Variants in WDR91 observed in about 807,000 individuals in gnomAD.
WDR91 encodes the protein WD repeat-containing protein 91.
A neutral mutation model predicts 88.4 loss-of-function variants in WDR91; 52 were observed. The observed-to-expected ratio is 0.59, with a 90% CI of 0.47 to 0.74. The LOEUF is 0.74. Ranked by LOEUF, WDR91 falls within the 30% of genes least tolerant of loss-of-function variation. The probability of loss-of-function intolerance (pLI) is 0.00; values close to 1 mark genes in which losing one functional copy is unlikely to be tolerated. For synonymous variants in WDR91, 362 were observed against 389.5 expected (o/e 0.93, Z 0.83); for missense variants, 824 against 954.5 (o/e 0.86, Z 1.80).
At chr7:135,188,586 C>A in intron 12 of WDR91, 41 bp from the exon 13 acceptor site, 1 of 1,562,412 alleles carries the variant, frequency 6.4e-7, no homozygotes. Flanking sequence ...CTGGCCAGGG[C>A]TCTGCAGAAG....
At chr7:135,210,937 G>A (rs563457849) in intron 1 of WDR91, 26 of 703,392 alleles carry the variant, frequency 3.7e-5, no homozygotes, top group South Asian at 3.1e-4. Context: ...AGTCCCTGAC[G>A]AGGCCATTTT....
chr7:135,204,613 C>T (rs1831694263), intron 5 of WDR91, 180 bp from the exon 6 acceptor site: 2 of 628,990 alleles, frequency 3.2e-6, no homozygotes, highest in Non-Finnish European at 5.4e-6. Flanking sequence ...GAGCCAGCAG[C>T]TTATCTGTTA....
rs773372922 is a variant in WDR91, at chr7:135,208,801, A to C, written c.501T>G (p.Phe167Leu). The C allele has an allele frequency of 1.2e-6, 2 of 1,608,058 alleles. No homozygotes were observed. The highest frequency in any genetic ancestry group is 1.7e-6 in the Non-Finnish European group (2 of 1,176,350). ...VSLHNFLSVLFQCMPVPVILN... is the reference protein window; with the variant it reads ...VSLHNFLSVLLQCMPVPVILN... ...CAACTGAAAGGATATGCATGCACTG[A>C]AACAGGACGCTCAGGAAGTTGTGCA... Residue 167 changes from phenylalanine to leucine, a missense_variant, in exon 3 of 15, where the codon TTT (phenylalanine) becomes TTG (leucine). Phe to Leu is a conservative substitution (Grantham distance 22). Coordinates refer to ENST00000354475, the MANE Select transcript of WDR91 (RefSeq NM_014149.4).
In WDR91 at chr7:135,185,958, T is replaced by C; in HGVS notation, c.*193A>G. ...CCACAATACCAGTCTCTGGGAAGCA[T>C]ATGTCACCTACTCCACGTGGGTCCC... is the stretch of plus-strand genomic sequence containing the variant. On this transcript the variant is annotated 3_prime_UTR_variant, in exon 15 of 15. Transcript: ENST00000354475. The C allele has an allele frequency of 1.8e-6, 1 of 569,018 alleles. No homozygotes were observed. The highest frequency in any genetic ancestry group is 2.9e-6 in the Non-Finnish European group (1 of 340,550). The allele number at this position is 569,018 out of a possible 1,614,324, so 35.2% of individuals were successfully genotyped here.
rs1397820680 is a variant in WDR91 at position 135,194,916 on chromosome 7, C to T, written c.1395+18G>A. 6.2e-7 allele frequency: 1 copy of T among 1,613,204 alleles called. No individual in the cohort carries two copies. On this transcript the variant is annotated intron_variant, in intron 9 of 14. Coordinates refer to ENST00000354475, the MANE Select transcript of WDR91 (RefSeq NM_014149.4). ...CACTGAGCCAGCAAAGCGGGCCCCACAGGCCACCATTACTCACCAGTCTGT... is the reference window on the plus strand; with the variant it reads ...CACTGAGCCAGCAAAGCGGGCCCCATAGGCCACCATTACTCACCAGTCTGT...
At position 135,193,331 on chromosome 7, in the gene WDR91, G is replaced by A. The variant is rs764663063; in HGVS notation, c.1559C>T (p.Thr520Ile). 1.9e-6 allele frequency: 3 copies of A among 1,614,236 alleles called. No homozygotes were observed. Among genetic ancestry groups the A allele is most frequent in the Non-Finnish European group, 2.5e-6 (3 of 1,180,048 alleles). Residue 520 changes from threonine to isoleucine, a missense_variant, in exon 11 of 15, where the codon ACT (threonine) becomes ATT (isoleucine). By Grantham distance (89) the Thr-to-Ile change is moderately conservative. Coordinates refer to ENST00000354475, the MANE Select transcript of WDR91 (RefSeq NM_014149.4). Reference sequence around the variant, plus strand: ...TGGTGCTGAGAAGTCCACCTGGGAAGTGAGGCTCGGAGCTGCTGCCGAACA... The same window carrying A: ...TGGTGCTGAGAAGTCCACCTGGGAAATGAGGCTCGGAGCTGCTGCCGAACA... The part of the protein sequence containing the change: ...FVCSAAAPSL[T>I]SQVDFSAPDI...
chr7:135,194,551 T>C (rs567157780), intron 9 of WDR91, among the ~76,000 whole-genome samples: 22 of 152,134 alleles, frequency 1.4e-4, no homozygotes, highest in African/African-American at 5.3e-4. Flanking sequence ...AACCACAAAA[T>C]AGAACACCAG....
chr7:135,197,738 A>G (rs1226709676), intron 7 of WDR91: 2 of 389,542 alleles, frequency 5.1e-6, no homozygotes, highest in African/African-American at 4.1e-5. Flanking sequence ...CACAGAAGTC[A>G]TCTTCTGAGA....
intron 6 of WDR91, 51 bp downstream of exon 6, chr7:135,204,217 A>T: frequency 1.9e-6 from 3 of 1,596,928 alleles, no homozygotes; most frequent in Non-Finnish European, 2.6e-6. Context: ...AAGCACAGGG[A>T]GCTGTCACGG....
chr7:135,190,226 A>G (rs73156113), intron 11 of WDR91, among the ~76,000 whole-genome samples: 18,595 of 152,180 alleles, frequency 0.12, 1,603 homozygotes, highest in South Asian at 0.27. Context: ...GCCCAAGGTC[A>G]GGCGATAAGA....
rs1294100347 is a variant in WDR91 at position 135,198,047 on chromosome 7, G to A, written c.996C>T (p.Arg332=). 6.2e-7 allele frequency: 1 copy of A among 1,614,052 alleles called. No homozygotes were observed. Among genetic ancestry groups the A allele is most frequent in the African/African-American group, 1.3e-5 (1 of 74,920 alleles). The change falls in exon 7 of 15, where the codon CGC becomes CGT. Residue 332 remains arginine, a synonymous_variant. Coordinates refer to ENST00000354475, the MANE Select transcript of WDR91 (RefSeq NM_014149.4). Reference sequence around the variant, plus strand: ...TCCTCTCCTTGCCATGGTCCTGCAGGCGCCGCTGCCGGTGCTGTGACCAAC... The same window carrying A: ...TCCTCTCCTTGCCATGGTCCTGCAGACGCCGCTGCCGGTGCTGTGACCAAC... ...ESGWSQHRQR[R]LQDHGKERKE...
rs778804495 is a variant in WDR91 at position 135,196,255 on chromosome 7, G to C, written c.1133C>G (p.Thr378Ser). ...CTCAGGGCCTGCCGAGGATGCCCGA[G>C]TCAGTGGCTCCACTGGCTCCGTGTG... ...ELHTEPVEPL[T>S]RASSAGPEGG... Residue 378 changes from threonine (T) to serine (S), a missense_variant, in exon 8 of 15, where the codon ACT (threonine) becomes AGT (serine). Physicochemically the swap from Thr to Ser is moderately conservative, Grantham distance 58. Transcript: ENST00000354475. This position sits in a 1 kb window ranked among gnomAD's most constrained non-coding sequence, Gnocchi z 4.2. 6.8e-6 allele frequency: 11 copies of C among 1,612,012 alleles called. No individual in the cohort carries two copies. The highest frequency in any genetic ancestry group is 9.3e-6 in the Non-Finnish European group (11 of 1,179,032).
chr7:135,201,636 T>C (rs1399776850), intron 6 of WDR91: 1 of 152,208 alleles, frequency 6.6e-6, no homozygotes, highest in African/African-American at 2.4e-5. Flanking sequence ...AACAACAAAA[T>C]ACAGCCTATT....
rs779546686 is a variant in WDR91, at chr7:135,193,656, C to T, written c.1412G>A (p.Gly471Asp). ...GTCATAGAGACGCACTGTTCCCACA[C>T]CACTGCCCAGCAAGAGCTGGAATGA... ...KRDRLLLLGS[G>D]VGTVRLYDTE... The change falls in exon 10 of 15, where the codon GGT becomes GAT. Residue 471 changes from glycine (G) to aspartate (D), a missense_variant. Gly to Asp is a moderately conservative substitution (Grantham distance 94). Transcript: ENST00000354475. 2 of 1,614,084 alleles carry T rather than the reference C, an allele frequency of 1.2e-6. No homozygotes were observed. The highest frequency in any genetic ancestry group is 2.2e-5 in the East Asian group (1 of 44,878).
At chr7:135,202,004 G>T (rs1487875975) in intron 6 of WDR91, 1 of 152,136 alleles carries the variant, frequency 6.6e-6, no homozygotes, top group Non-Finnish European at 1.5e-5. Flanking sequence ...TGGAGGGAGG[G>T]TGAACAAGAG....
chr7:135,187,154 T>A lies in WDR91; in HGVS notation c.1897A>T (p.Ile633Phe), dbSNP rs1167914842. ...GATACCTTGAGGCCACTCTTGTGGA[T>A]GTTCCACTGGATGAACTGCAGTCAC... is the stretch of plus-strand genomic sequence containing the variant. ...GEDGKFIQWN[I>F]HKSGLKVSEY... The change falls in exon 14 of 15, where the codon ATC (isoleucine) becomes TTC (phenylalanine). Residue 633 changes from isoleucine to phenylalanine, a missense_variant. By Grantham distance (21) the Ile-to-Phe change is conservative (BLOSUM62 0). Coordinates refer to ENST00000354475, the MANE Select transcript of WDR91 (RefSeq NM_014149.4). The A allele has an allele frequency of 6.2e-7, 1 of 1,614,072 alleles. No individual in the cohort carries two copies. The highest frequency in any genetic ancestry group is 8.5e-7 in the Non-Finnish European group (1 of 1,180,050).
intron 9 of WDR91, among the ~76,000 whole-genome samples, chr7:135,194,308 C>T (rs545761830): frequency 9.2e-5 from 14 of 152,286 alleles, no homozygotes; most frequent in African/African-American, 3.4e-4. Flanking sequence ...GGCAAACTGG[C>T]GCTGGCACAG....
chr7:135,192,600 G>A (rs1288753257), intron 11 of WDR91, among the ~76,000 whole-genome samples: 1 of 152,192 alleles, frequency 6.6e-6, no homozygotes, highest in Non-Finnish European at 1.5e-5. Context: ...AGAACAAACT[G>A]AACATCTGGA....
At chr7:135,205,699 G>A (rs1831743138) in intron 5 of WDR91, among the ~76,000 whole-genome samples, 1 of 152,232 alleles carries the variant, frequency 6.6e-6, no homozygotes, top group Admixed American at 6.5e-5. Context: ...GGCAGAAGTT[G>A]CTTTGAGCCA....
Sources: gnomAD v4.1 joint callset for allele counts (sites outside exome capture counted in the v4.1 genomes callset) on GRCh38, gnomAD v4.1.1 for gene constraint, Gnocchi (gnomAD v3.1) non-coding constraint, MANE v1.5 for transcripts, NCBI Gene and HGNC (gene_info 2026-07-23, HGNC 2026-07-21) for gene names.